Variants in C1QTNF7 observed in about 807,000 individuals in gnomAD.
C1QTNF7 encodes C1q and TNF related 7.
C1QTNF7 carries 15 observed loss-of-function variants against 19.6 expected under a neutral mutation model. That is an observed-to-expected ratio of 0.76 (90% confidence interval 0.51 to 1.18). The LOEUF (loss-of-function observed/expected upper bound fraction) is 1.18, where lower values mean the gene tolerates loss of function less well. Ranked by LOEUF, C1QTNF7 falls within the 50% of genes most tolerant of loss-of-function variation. The pLI, the probability that C1QTNF7 is intolerant of heterozygous loss-of-function variation, is 0.00. For synonymous variants in C1QTNF7, 142 were observed against 137.5 expected (o/e 1.03, Z -0.23); for missense variants, 324 against 359.7 (o/e 0.90, Z 0.80).
chr4:15,435,864 G>T lies in C1QTNF7; in HGVS notation c.121G>T (p.Gly41Ter). The change falls in exon 2 of 3, where the codon GGA becomes TGA. Residue 41 changes from glycine (G) to a stop codon, truncating the protein, a stop_gained. Coordinates refer to ENST00000444304, the MANE Select transcript of C1QTNF7 (RefSeq NM_031911.5). LOFTEE classifies it high-confidence loss of function. ...TATCTGCAGCATTCCTGGCTTGCCT[G>T]GACCTCCAGGGCCCCCTGGAGCAAA... Reference protein sequence around the residue: ...RYICSIPGLPGPPGPPGANGS... With the variant: ...RYICSIPGLP 2 of 1,614,084 alleles carry T rather than the reference G, an allele frequency of 1.2e-6. No homozygotes were observed. Among genetic ancestry groups the T allele is most frequent in the Non-Finnish European group, 1.7e-6 (2 of 1,180,022 alleles).
At chr4:15,418,362 G>A (rs1711544858) in intron 1 of C1QTNF7, among the ~76,000 whole-genome samples, 1 of 152,106 alleles carries the variant, frequency 6.6e-6, no homozygotes, top group Non-Finnish European at 1.5e-5. Flanking sequence ...GCCCTGAAAT[G>A]ACTTGACCCC....
chr4:15,343,903 T>C (rs73128123), intron 1 of C1QTNF7, among the ~76,000 whole-genome samples: 1 of 152,264 alleles, frequency 6.6e-6, no homozygotes, highest in African/African-American at 2.4e-5. Context: ...CCCAGAGAAA[T>C]TAAGTAACCT....
chr4:15,380,112 A>G (rs112440920), intron 1 of C1QTNF7, among the ~76,000 whole-genome samples: 2 of 152,382 alleles, frequency 1.3e-5, no homozygotes, highest in Non-Finnish European at 2.9e-5. Flanking sequence ...TGTCTAATTC[A>G]AAGGCTATAC....
intron 1 of C1QTNF7, among the ~76,000 whole-genome samples, chr4:15,400,737 CA>C (rs1472795707): frequency 2.0e-5 from 3 of 152,300 alleles, no homozygotes; most frequent in South Asian, 4.1e-4. Context: ...CAGCACTAAC[CA>C]ACAAATCCCA....
intron 1 of C1QTNF7, among the ~76,000 whole-genome samples, chr4:15,420,869 G>C (rs188174242): frequency 6.2e-5 from 7 of 113,680 alleles, no homozygotes; most frequent in Admixed American, 3.7e-4. Context: ...AAACCTCAGT[G>C]CTCAGCTTTC....
In C1QTNF7 at chr4:15,350,346, G is replaced by GGGAA. The variant is rs1577228307; in HGVS notation, c.13+10142_13+10143insAGGA. 4.0e-4 allele frequency among the ~76,000 whole-genome samples: 40 copies of GGGAA among 99,282 alleles called. 1 individual carries two copies. Among genetic ancestry groups the GGGAA allele is most frequent in the South Asian group, 3.6e-4 (1 of 2,812 alleles). 65.1% of individuals were successfully genotyped at this position (99,282 alleles called of 152,430 possible). A position where few individuals can be genotyped will look rare whatever the true frequency, so the allele number is the denominator to read the frequency against. On this transcript the variant is annotated intron_variant, in intron 1 of 2. Coordinates refer to the C1QTNF7 transcript ENST00000295297. ...AAGGAGGAAAGAAAGGAGGGAGGGA[G>GGGAA]GGAGGGAGGGAGGAAGGAAAAAAGA...
rs149631129 is a variant in C1QTNF7 at position 15,405,779 on chromosome 4, T to C, written c.14-29957T>C. The stretch of plus-strand genomic sequence containing the variant: ...CCTATTGACCTTCAAATAAAAAAAC[T>C]CCTCCACAGAGCTTTCAAGACCCTG... On this transcript the variant is annotated intron_variant, in intron 1 of 2. Transcript: ENST00000295297. Among the ~76,000 whole-genome samples, 283 of 152,234 alleles carry C rather than the reference T, an allele frequency of 1.9e-3. 5 individuals are homozygous for C. Among genetic ancestry groups the C allele is most frequent in the African/African-American group, 6.5e-3 (269 of 41,542 alleles).
rs973685960 is a variant in C1QTNF7 at position 15,389,654 on chromosome 4, C to T, written c.14-46082C>T. ...GGCTGGTCTCAAACTCCTGACCTCA[C>T]GTGATCCACCTACCTCGGCCTCCCA... is the stretch of plus-strand genomic sequence containing the variant. On this transcript the variant is annotated intron_variant, in intron 1 of 2. Coordinates refer to the C1QTNF7 transcript ENST00000295297. 3.9e-5 allele frequency among the ~76,000 whole-genome samples: 6 copies of T among 151,980 alleles called. No individual in the cohort carries two copies. In the Middle Eastern group the frequency reaches 9.5e-3, roughly 240 times the overall value.
intron 2 of C1QTNF7, among the ~76,000 whole-genome samples, chr4:15,437,009 G>T (rs906178242): frequency 1.3e-5 from 2 of 152,128 alleles, no homozygotes; most frequent in Admixed American, 6.5e-5. Flanking sequence ...AATAGATAAA[G>T]AACCTTTAGG....
chr4:15,437,155 A>G (rs182555921), intron 2 of C1QTNF7, among the ~76,000 whole-genome samples: 55 of 152,288 alleles, frequency 3.6e-4, no homozygotes, highest in African/African-American at 1.3e-3. Flanking sequence ...TCCTATAATA[A>G]CATCAGGATT....
intron 1 of C1QTNF7, among the ~76,000 whole-genome samples, chr4:15,363,109 T>C (rs1251287157): frequency 5.3e-5 from 8 of 152,184 alleles, no homozygotes; most frequent in Non-Finnish European, 4.4e-5. Flanking sequence ...AATCTTAAAA[T>C]ATACCTCATT....
chr4:15,342,347 G>A (rs1019713624), intron 1 of C1QTNF7, among the ~76,000 whole-genome samples: 1 of 152,200 alleles, frequency 6.6e-6, no homozygotes, highest in Non-Finnish European at 1.5e-5. Context: ...GACCTGAAAT[G>A]CCCCAAGGTT....
At chr4:15,414,254 G>A (rs753085655) in intron 1 of C1QTNF7, among the ~76,000 whole-genome samples, 20 of 152,182 alleles carry the variant, frequency 1.3e-4, no homozygotes, top group Admixed American at 2.0e-4. Context: ...AATACAGAAA[G>A]GGAGAGAACA....
intron 1 of C1QTNF7, among the ~76,000 whole-genome samples, chr4:15,355,747 G>A (rs936337991): frequency 3.3e-5 from 5 of 152,200 alleles, no homozygotes; most frequent in African/African-American, 9.6e-5. Context: ...TGGTCTTTGG[G>A]GAAGTCTGGT....
intron 1 of C1QTNF7, among the ~76,000 whole-genome samples, chr4:15,402,911 T>C (rs183142791): frequency 6.6e-6 from 1 of 152,256 alleles, no homozygotes; most frequent in East Asian, 1.9e-4. Context: ...TCAGAGAATC[T>C]GGAATGATGT....
intron 1 of C1QTNF7, among the ~76,000 whole-genome samples, chr4:15,384,746 C>A (rs987151432): frequency 1.3e-5 from 2 of 152,344 alleles, no homozygotes; most frequent in South Asian, 2.1e-4. Flanking sequence ...AGGCTCTTAT[C>A]TCCAAATGTT....
intron 1 of C1QTNF7, among the ~76,000 whole-genome samples, chr4:15,342,015 CA>C (rs988275386): frequency 6.6e-6 from 1 of 152,206 alleles, no homozygotes; most frequent in African/African-American, 2.4e-5. Context: ...AGGACAAAAA[CA>C]AAAAGGCTAT....
intron 2 of C1QTNF7, among the ~76,000 whole-genome samples, chr4:15,439,124 T>C (rs973756086): frequency 3.3e-5 from 5 of 152,164 alleles, no homozygotes; most frequent in Non-Finnish European, 5.9e-5. Context: ...TCTGACTAAA[T>C]AGGGAGAAGG....
intron 1 of C1QTNF7, among the ~76,000 whole-genome samples, chr4:15,346,110 A>T (rs1716710068): frequency 6.6e-6 from 1 of 152,220 alleles, no homozygotes; most frequent in African/African-American, 2.4e-5. Flanking sequence ...TTCTTAATGA[A>T]ATTTATTTTG....
Sources: gnomAD v4.1 joint callset for allele counts (sites outside exome capture counted in the v4.1 genomes callset) on GRCh38, gnomAD v4.1.1 for gene constraint, MANE v1.5 for transcripts, NCBI Gene and HGNC (gene_info 2026-07-23, HGNC 2026-07-21) for gene names.